C1orf202: variants seen among roughly 807,000 people sequenced by gnomAD.
C1orf202 encodes uncharacterized protein C1orf202.
the C1orf202 span, chr1:244,730,595 C>T: frequency 2.6e-6 from 1 of 382,382 alleles, no homozygotes; most frequent in Non-Finnish European, 4.6e-6. Flanking sequence ...CCGGTCCGGC[C>T]GCTCCTTGCG....
the C1orf202 span, chr1:244,729,842 C>G: frequency 6.6e-6 from 1 of 151,960 alleles, no homozygotes; most frequent in African/African-American, 2.4e-5. Context: ...CCCAAGCCAC[C>G]CTTCCTAAAT....
chr1:244,730,841 C>T, the C1orf202 span: 8 of 380,096 alleles, frequency 2.1e-5, no homozygotes, highest in African/African-American at 1.7e-4. Context: ...CGGAGGGGGG[C>T]CCCGCTCCAG....
chr1:244,730,730 C>G, the C1orf202 span: 6 of 383,658 alleles, frequency 1.6e-5, no homozygotes, highest in Non-Finnish European at 2.8e-5. Flanking sequence ...GAGCTTCTTC[C>G]TGCGCGGGCC....
At chr1:244,730,002 T>C in the C1orf202 span, 1 of 151,798 alleles carries the variant, frequency 6.6e-6, no homozygotes, top group South Asian at 2.1e-4. Context: ...TTAGGATCGC[T>C]TGACCCCAGG....
chr1:244,730,692 C>CCTTGCCTGCGCGCGCGTGAG, the C1orf202 span: 1 of 384,008 alleles, frequency 2.6e-6, no homozygotes. Context: ...TCCGGGGCCT[C>CCTTGCCTGCGCGCGCGTGAG]CTTGCCTGCG....
At chr1:244,730,705 C>T in the C1orf202 span, 4 of 384,220 alleles carry the variant, frequency 1.0e-5, no homozygotes, top group East Asian at 1.5e-4. Flanking sequence ...TGCCTGCGCG[C>T]GCGTGAGCTT....
the C1orf202 span, chr1:244,730,707 CGT>C: frequency 2.6e-6 from 1 of 384,182 alleles, no homozygotes; most frequent in African/African-American, 2.1e-5. Context: ...CCTGCGCGCG[CGT>C]GAGCTTGCCT....
the C1orf202 span, chr1:244,730,056 T>C: frequency 1.3e-5 from 2 of 151,574 alleles, no homozygotes; most frequent in African/African-American, 4.9e-5. Context: ...TTTTTTTTTT[T>C]TCTCCTGTCT....
At chr1:244,730,621 C>A in the C1orf202 span, 2 of 385,232 alleles carry the variant, frequency 5.2e-6, no homozygotes, top group African/African-American at 4.2e-5. Context: ...GGTAGCGCCG[C>A]CTCCACGTCG....
chr1:244,730,422 C>A, the C1orf202 span: 1 of 358,654 alleles, frequency 2.8e-6, no homozygotes, highest in Non-Finnish European at 5.0e-6. Flanking sequence ...TGAGCGTGCA[C>A]AGGGGGCGCA....
chr1:244,730,586 C>G, the C1orf202 span: 17 of 380,188 alleles, frequency 4.5e-5, no homozygotes, highest in South Asian at 9.0e-4. Context: ...CTCCTCCAGC[C>G]GGTCCGGCCG....
chr1:244,729,999 C>T, the C1orf202 span: 1 of 150,916 alleles, frequency 6.6e-6, no homozygotes, highest in African/African-American at 2.4e-5. Context: ...GGCTTAGGAT[C>T]GCTTGACCCC....
At chr1:244,730,796 A>C in the C1orf202 span, 1 of 377,410 alleles carries the variant, frequency 2.6e-6, no homozygotes, top group Non-Finnish European at 4.7e-6. Context: ...GTCGCCGGCC[A>C]CCGCGCGCCG....
the C1orf202 span, chr1:244,730,043 GT>G: frequency 5.7e-3 from 180 of 31,614 alleles, 1 homozygote; most frequent in Admixed American, 0.027. Flanking sequence ...AACATAGTTG[GT>G]TTTTTTTTTT....
At chr1:244,730,661 G>C in the C1orf202 span, 1 of 384,634 alleles carries the variant, frequency 2.6e-6, no homozygotes, top group Non-Finnish European at 4.6e-6. Flanking sequence ...CTGCAGGCTC[G>C]AGGGGCCCCA....
the C1orf202 span, among the ~76,000 whole-genome samples, chr1:244,729,734 G>C: frequency 6.6e-6 from 1 of 152,098 alleles, no homozygotes; most frequent in African/African-American, 2.4e-5. Flanking sequence ...TGAGGAAAAG[G>C]AAGACATTCA....
the C1orf202 span, chr1:244,730,910 C>G: frequency 2.6e-6 from 1 of 384,560 alleles, no homozygotes; most frequent in Admixed American, 4.5e-5. Flanking sequence ...GCCACCAAAC[C>G]GGGGGGCCGC....
chr1:244,730,648 C>T, the C1orf202 span: 7 of 385,368 alleles, frequency 1.8e-5, no homozygotes, highest in Non-Finnish European at 3.2e-5. Context: ...TCTGAAGCAG[C>T]CTCTGCAGGC....
chr1:244,730,525 G>C, the C1orf202 span: 1 of 362,922 alleles, frequency 2.8e-6, no homozygotes, highest in Non-Finnish European at 4.9e-6. Flanking sequence ...TCTGGGGTCC[G>C]GCCGCGGCCT....
Sources: gnomAD v4.1 joint callset for allele counts (sites outside exome capture counted in the v4.1 genomes callset) on GRCh38, gnomAD v4.1.1 for gene constraint, MANE v1.5 for transcripts, NCBI Gene and HGNC (gene_info 2026-07-23, HGNC 2026-07-21) for gene names.